Variants in PVRIG observed in about 807,000 individuals in gnomAD.
The protein encoded by PVRIG is transmembrane protein PVRIG.
Under a neutral mutation model 21.9 loss-of-function variants are expected in PVRIG, and 16 were observed. The observed-to-expected ratio is 0.73, with a 90% CI of 0.50 to 1.11. PVRIG has a LOEUF of 1.11. Among genes scored for constraint, PVRIG ranks in the 50% most tolerant of loss-of-function variants. The pLI, the probability that PVRIG is intolerant of heterozygous loss-of-function variation, is 0.00. For missense variants in PVRIG, 435 were observed against 445.7 expected (o/e 0.98, Z 0.22); for synonymous variants, 190 against 181.0 (o/e 1.05, Z -0.40).
At chr7:100,220,778 G>T in exon 5 of PVRIG, 1 of 1,605,998 alleles carries the variant, frequency 6.2e-7, no homozygotes, top group Non-Finnish European at 8.5e-7. Context: ...CTAGGCTCCA[G>T]CCGTCCCGCA....
exon 6 of PVRIG, chr7:100,221,155 G>A (rs1803226786): frequency 1.2e-6 from 2 of 1,613,326 alleles, no homozygotes; most frequent in Non-Finnish European, 1.7e-6. Context: ...TCTACGCTCA[G>A]GCAGGGGAGA....
chr7:100,220,836 G>A lies in PVRIG; in HGVS notation c.657+16G>A. Reference sequence around the variant, plus strand: ...ACGAGCATGGGTGAGGAGGGGACCTGCTTTGGGGATGAGGTGACAGGGGCA... The same window carrying A: ...ACGAGCATGGGTGAGGAGGGGACCTACTTTGGGGATGAGGTGACAGGGGCA... On this transcript the variant is annotated intron_variant, in intron 5 of 5. Coordinates refer to ENST00000317271, the Ensembl canonical transcript of PVRIG. 6.2e-7 allele frequency: 1 copy of A among 1,607,456 alleles called. No individual in the cohort carries two copies. The highest frequency in any genetic ancestry group is 8.5e-7 in the Non-Finnish European group (1 of 1,178,906).
At chr7:100,221,199 T>C in exon 6 of PVRIG, 4 of 1,608,712 alleles carry the variant, frequency 2.5e-6, no homozygotes, top group Non-Finnish European at 3.4e-6. Flanking sequence ...CTCACTCTTT[T>C]CCCTGACCCT....
chr7:100,220,165 C>T, exon 3 of PVRIG: 1 of 1,598,980 alleles, frequency 6.3e-7, no homozygotes, highest in Non-Finnish European at 8.5e-7. Flanking sequence ...GAGCTCTCGT[C>T]CTTCACCATC....
rs1294445128 is a variant in PVRIG, at chr7:100,221,289, G to A, written c.*38G>A. The A allele has an allele frequency of 3.4e-6, 5 of 1,466,114 alleles. No homozygotes were observed. The Admixed American group carries it at 7.1e-5, about 21-fold the overall frequency. 90.8% of individuals were successfully genotyped at this position (1,466,114 alleles called of 1,614,324 possible). ...GGCCACTGGGCTTTCCCCCTCCCAGGCCTCCTGGGTGTCACCCCCTTACTT... is the reference window on the plus strand; with the variant it reads ...GGCCACTGGGCTTTCCCCCTCCCAGACCTCCTGGGTGTCACCCCCTTACTT... On this transcript the variant is annotated 3_prime_UTR_variant, in exon 6 of 6. Coordinates refer to ENST00000317271, the Ensembl canonical transcript of PVRIG.
At chr7:100,221,024 G>A (rs1803210167) in exon 6 of PVRIG, 1 of 1,612,218 alleles carries the variant, frequency 6.2e-7, no homozygotes, top group Non-Finnish European at 8.5e-7. Flanking sequence ...TCACCCCCAT[G>A]GGGGGCCGTC....
At position 100,220,016 on chromosome 7, in the gene PVRIG, T is replaced by C; in HGVS notation, c.106T>C (p.Cys36Arg). Residue 36 changes from cysteine (C) to arginine (R), a missense_variant, in exon 2 of 6, where the codon TGT (cysteine) becomes CGT (arginine). Physicochemically the swap from Cys to Arg is radical, Grantham distance 180. Coordinates refer to ENST00000317271, the Ensembl canonical transcript of PVRIG. ...CCTGCCCTGGGTGCTGCTGACCTTG[T>C]GTGTCACTGCGGGTGAGTGCCGGCA... is the stretch of plus-strand genomic sequence containing the variant. 2 of 1,604,748 alleles carry C rather than the reference T, an allele frequency of 1.2e-6. No individual in the cohort carries two copies. The highest frequency in any genetic ancestry group is 1.3e-5 in the African/African-American group (1 of 74,892).
At chr7:100,220,305 C>G in exon 3 of PVRIG, 1 of 1,556,758 alleles carries the variant, frequency 6.4e-7, no homozygotes, top group South Asian at 1.2e-5. Flanking sequence ...GGCCCCTGCT[C>G]GCCAGGCCCG....
chr7:100,221,080 C>T (rs899716392), exon 6 of PVRIG: 4 of 1,613,906 alleles, frequency 2.5e-6, no homozygotes, highest in African/African-American at 2.7e-5. Flanking sequence ...GGCCCCAGGG[C>T]CCTGCCGCCT....
rs575536483 is a variant in PVRIG at position 100,219,585 on chromosome 7, G to A, written c.-198-128G>A. On this transcript the variant is annotated intron_variant, in intron 1 of 5. Transcript: ENST00000317271. ...CCCACTCCCAGGGGCTTTCTCCTCC[G>A]ATTCCTTAGCTGGGTGAGGGGCGGG... The A allele has an allele frequency of 7.8e-5, 32 of 411,434 alleles. 1 individual carries two copies. Among genetic ancestry groups the A allele is most frequent in the African/African-American group, 4.2e-4 (20 of 48,136 alleles). 25.5% of individuals were successfully genotyped at this position (411,434 alleles called of 1,614,324 possible). A position where few individuals can be genotyped will look rare whatever the true frequency, so the allele number is the denominator to read the frequency against.
intron 1 of PVRIG, chr7:100,219,674 C>T: frequency 1.7e-6 from 1 of 592,850 alleles, no homozygotes; most frequent in Non-Finnish European, 3.0e-6. Context: ...GTCCTTCTAG[C>T]CCCTGACAGC....
At chr7:100,219,854 G>T (rs1299461057) in exon 2 of PVRIG, 1 of 1,367,518 alleles carries the variant, frequency 7.3e-7, no homozygotes, top group Non-Finnish European at 1.0e-6. Context: ...TGGGGAAGGT[G>T]TGAGAGGAGA....
chr7:100,221,405 A>G, exon 6 of PVRIG: 1 of 579,642 alleles, frequency 1.7e-6, no homozygotes. Flanking sequence ...GTGTGGGCAC[A>G]GGTGTGAGTG....
At chr7:100,221,312 CT>C in exon 6 of PVRIG, 1 of 1,335,028 alleles carries the variant, frequency 7.5e-7, no homozygotes, top group Admixed American at 2.8e-5. Flanking sequence ...CACCCCCTTA[CT>C]TTAATTCTTG....
exon 2 of PVRIG, chr7:100,219,732 C>T (rs1208528228): frequency 8.5e-5 from 55 of 649,080 alleles, no homozygotes; most frequent in South Asian, 7.9e-4. Context: ...GGGCTGGGTT[C>T]TCACCCACCT....
chr7:100,220,443 C>G, exon 3 of PVRIG: 3 of 1,609,304 alleles, frequency 1.9e-6, no homozygotes, highest in Non-Finnish European at 2.5e-6. Flanking sequence ...CTGTGGGAGC[C>G]TCCCGCCCAG....
At chr7:100,219,725 C>T (rs545700229) in exon 2 of PVRIG, 23 of 639,932 alleles carry the variant, frequency 3.6e-5, no homozygotes, top group Non-Finnish European at 6.3e-5. Context: ...CTAGCCAGGG[C>T]TGGGTTCTCA....
chr7:100,220,071 T>A, intron 2 of PVRIG, 43 bp downstream of exon 1: 1 of 1,600,828 alleles, frequency 6.2e-7, no homozygotes, highest in African/African-American at 1.3e-5. Context: ...GCAGGGAGGG[T>A]GATGTAGGAC....
chr7:100,219,697 C>T lies in PVRIG; in HGVS notation c.-198-16C>T, dbSNP rs1803076212. Reference sequence around the variant, plus strand: ...AGCCCCTGACAGCTTCTCTGCCCCTCCCCTGGCCTCCCCAGGCCTAGCCAG... The same window carrying T: ...AGCCCCTGACAGCTTCTCTGCCCCTTCCCTGGCCTCCCCAGGCCTAGCCAG... On this transcript the variant is annotated splice_polypyrimidine_tract_variant and intron_variant, in intron 1 of 5. Coordinates refer to ENST00000317271, the Ensembl canonical transcript of PVRIG. 3 of 609,118 alleles carry T rather than the reference C, an allele frequency of 4.9e-6. No homozygotes were observed. In the African/African-American group the frequency reaches 5.6e-5, roughly 11 times the overall value. The allele number at this position is 609,118 out of a possible 1,614,324, so 37.7% of individuals were successfully genotyped here.
Sources: allele counts gnomAD v4.1 joint callset, GRCh38; gene constraint gnomAD v4.1.1; transcripts MANE v1.5; gene names NCBI Gene and HGNC (gene_info 2026-07-23, HGNC 2026-07-21).